The following TANC2 variants were observed in gnomAD, a reference collection of about 807,000 sequenced individuals.
TANC2 encodes tetratricopeptide repeat, ankyrin repeat and coiled-coil containing 2, also known as protein TANC2.
In TANC2, 26 loss-of-function variants were observed where a neutral mutation model predicts 210.5. That is an observed-to-expected ratio of 0.12 (90% CI 0.09 to 0.17). The LOEUF is 0.17. Ranked by LOEUF, TANC2 falls within the 10% of genes least tolerant of loss-of-function variation. The probability of loss-of-function intolerance (pLI) is 1.00; values close to 1 mark genes in which losing one functional copy is unlikely to be tolerated. For synonymous variants in TANC2, 931 were observed against 967.1 expected (o/e 0.96, Z 0.69); for missense variants, 2,129 against 2,608.9 (o/e 0.82, Z 4.01).
chr17:63,074,215 GT>G (rs952920628), intron 3 of TANC2, among the ~76,000 whole-genome samples: 9 of 151,770 alleles, frequency 5.9e-5, no homozygotes, highest in Non-Finnish European at 1.2e-4. Flanking sequence ...TCTTGTGCCT[GT>G]TTTTTTAAAT....
intron 9 of TANC2, among the ~76,000 whole-genome samples, chr17:63,304,035 C>A (rs376181321): frequency 3.7e-4 from 56 of 152,112 alleles, no homozygotes; most frequent in African/African-American, 1.2e-3. Context: ...TTAGAACATG[C>A]TACTTTAGCT....
chr17:63,248,371 G>C (rs903146357), intron 8 of TANC2, among the ~76,000 whole-genome samples: 3 of 151,986 alleles, frequency 2.0e-5, no homozygotes, highest in African/African-American at 7.2e-5. Context: ...GAACGTCAAG[G>C]GCAGGATGGG....
intron 9 of TANC2, among the ~76,000 whole-genome samples, chr17:63,281,468 G>A (rs893981919): frequency 6.6e-6 from 1 of 152,004 alleles, no homozygotes; most frequent in Non-Finnish European, 1.5e-5. Context: ...TGCAAATAAA[G>A]AAACACCCAG....
intron 3 of TANC2, among the ~76,000 whole-genome samples, chr17:63,083,327 G>T (rs1032980764): frequency 6.6e-6 from 1 of 152,156 alleles, no homozygotes; most frequent in Non-Finnish European, 1.5e-5. Flanking sequence ...ACACCCTTGG[G>T]ACCACAACTC....
At chr17:63,043,858 C>T (rs887184058) in intron 2 of TANC2, among the ~76,000 whole-genome samples, 1 of 152,092 alleles carries the variant, frequency 6.6e-6, no homozygotes, top group African/African-American at 2.4e-5. Context: ...CAGGTATATA[C>T]AGGAAGCAGT....
chr17:63,134,483 A>G (rs1192446151), intron 4 of TANC2, among the ~76,000 whole-genome samples: 4 of 152,240 alleles, frequency 2.6e-5, no homozygotes, highest in Admixed American at 6.5e-5. Context: ...TGTTGTGTAC[A>G]TGATCACTAA....
intron 3 of TANC2, chr17:63,088,121 A>G (rs1363107216): frequency 3.3e-5 from 5 of 152,186 alleles, no homozygotes; most frequent in African/African-American, 9.7e-5. Flanking sequence ...TTTTTCAAAT[A>G]TATGTCCTTA....
intron 14 of TANC2, among the ~76,000 whole-genome samples, chr17:63,379,468 G>A (rs968606040): frequency 1.3e-5 from 2 of 152,152 alleles, no homozygotes; most frequent in South Asian, 2.1e-4. Context: ...TCAGGAGTTC[G>A]AGACCAGCCT....
At chr17:63,083,918 C>T (rs879201775) in intron 3 of TANC2, among the ~76,000 whole-genome samples, 2 of 152,092 alleles carry the variant, frequency 1.3e-5, no homozygotes, top group Non-Finnish European at 2.9e-5. Context: ...AATTTTTGCA[C>T]GTACGTTCAT....
chr17:63,398,733 C>T, intron 18 of TANC2, 88 bp from the exon 19 acceptor site: 3 of 805,408 alleles, frequency 3.7e-6, no homozygotes, highest in Non-Finnish European at 6.0e-6. Context: ...ATACTTGGAT[C>T]ATCCAAGCAT....
intron 8 of TANC2, among the ~76,000 whole-genome samples, chr17:63,243,879 TC>T (rs1365059724): frequency 6.6e-6 from 1 of 152,228 alleles, no homozygotes; most frequent in Non-Finnish European, 1.5e-5. Context: ...ATTTAGTTCA[TC>T]CCTAAAGAAC....
intron 20 of TANC2, among the ~76,000 whole-genome samples, chr17:63,405,519 G>A (rs1448738502): frequency 6.6e-6 from 1 of 152,218 alleles, no homozygotes; most frequent in Non-Finnish European, 1.5e-5. Context: ...ACATTTCACA[G>A]CATCCAAAGA....
chr17:63,274,111 T>C (rs981810519), intron 9 of TANC2, among the ~76,000 whole-genome samples: 2 of 152,192 alleles, frequency 1.3e-5, no homozygotes, highest in Admixed American at 6.5e-5. Context: ...TAACTGCAGT[T>C]GTTTGATGAT....
chr17:63,090,917 G>A (rs2037162724), intron 3 of TANC2, among the ~76,000 whole-genome samples: 1 of 152,168 alleles, frequency 6.6e-6, no homozygotes, highest in East Asian at 1.9e-4. Flanking sequence ...GTGTGAGATG[G>A]TATCTCATTG....
At chr17:63,312,553 A>G (rs529519866) in intron 9 of TANC2, among the ~76,000 whole-genome samples, 51 of 152,294 alleles carry the variant, frequency 3.3e-4, no homozygotes, top group African/African-American at 1.2e-3. Flanking sequence ...AGATGGTAAC[A>G]GTAGACACTG....
chr17:63,327,998 C>T (rs144915919), intron 11 of TANC2, among the ~76,000 whole-genome samples: 1 of 152,070 alleles, frequency 6.6e-6, no homozygotes, highest in Non-Finnish European at 1.5e-5. Context: ...TTGTTCAATT[C>T]CCACCTATGA....
At chr17:63,365,120 A>T (rs1187474420) in intron 14 of TANC2, among the ~76,000 whole-genome samples, 2 of 152,234 alleles carry the variant, frequency 1.3e-5, no homozygotes, top group Admixed American at 1.3e-4. Flanking sequence ...AACCAAGATT[A>T]ATGGCACAGC....
intron 7 of TANC2, among the ~76,000 whole-genome samples, chr17:63,218,649 A>G (rs1294081879): frequency 6.6e-6 from 1 of 152,160 alleles, no homozygotes; most frequent in Non-Finnish European, 1.5e-5. Flanking sequence ...TAATCCCAGT[A>G]CTTTGGGAGG....
At chr17:63,232,388 A>G (rs1025805870) in intron 7 of TANC2, among the ~76,000 whole-genome samples, 1 of 152,154 alleles carries the variant, frequency 6.6e-6, no homozygotes, top group Non-Finnish European at 1.5e-5. Flanking sequence ...CATCTTCGTG[A>G]GTTCGTCTAG....
Sources: gnomAD v4.1 joint callset for allele counts (sites outside exome capture counted in the v4.1 genomes callset) on GRCh38, gnomAD v4.1.1 for gene constraint, MANE v1.5 for transcripts, NCBI Gene and HGNC (gene_info 2026-07-23, HGNC 2026-07-21) for gene names.